The following MALRD1 variants were observed in gnomAD, a reference collection of about 807,000 sequenced individuals.
MALRD1 encodes MAM and LDL-receptor class A domain-containing protein 1.
A neutral mutation model predicts 242.1 loss-of-function variants in MALRD1; 247 were observed. The observed-to-expected ratio is 1.02, with a 90% confidence interval of 0.92 to 1.13. MALRD1 has a LOEUF of 1.13. Ranked by LOEUF, MALRD1 falls within the 50% of genes most tolerant of loss-of-function variation. MALRD1 has a pLI of 0.00. For missense variants in MALRD1, 2,989 were observed against 2,533.1 expected, an observed-to-expected ratio of 1.18 and a Z score of -3.86; for synonymous variants, 995 against 866.6, an observed-to-expected ratio of 1.15 and a Z score of -2.60.
chr10:19,719,231 T>C (rs11011265), intron 38 of MALRD1, among the ~76,000 whole-genome samples: 1,894 of 31,414 alleles, frequency 0.06, 234 homozygotes, highest in African/African-American at 0.23. Context: ...TACATATATA[T>C]ATATATATAT....
intron 31 of MALRD1, among the ~76,000 whole-genome samples, chr10:19,501,647 G>A (rs1837976287): frequency 6.6e-6 from 1 of 152,174 alleles, no homozygotes; most frequent in African/African-American, 2.4e-5. Context: ...TGAGCATGGA[G>A]GATAGGATAA....
chr10:19,492,423 G>A (rs1160219323), intron 30 of MALRD1, among the ~76,000 whole-genome samples: 1 of 152,058 alleles, frequency 6.6e-6, no homozygotes, highest in East Asian at 1.9e-4. Flanking sequence ...ATTCAGGAAG[G>A]GCTCTTCTGG....
chr10:19,083,559 T>C (rs535079500), intron 2 of MALRD1, among the ~76,000 whole-genome samples: 3 of 152,116 alleles, frequency 2.0e-5, no homozygotes, highest in Non-Finnish European at 4.4e-5. Flanking sequence ...AAAAAGCATT[T>C]TATACTGAGC....
chr10:19,153,085 A>T (rs894850264), intron 11 of MALRD1, among the ~76,000 whole-genome samples: 1 of 152,124 alleles, frequency 6.6e-6, no homozygotes, highest in Non-Finnish European at 1.5e-5. Context: ...TTTAGATAGG[A>T]TTCTATGACT....
Position 19,532,752 on chromosome 10 carries a change from T to C in MALRD1, c.5478+1401T>C, listed in dbSNP as rs971951926. 1.8e-4 allele frequency among the ~76,000 whole-genome samples: 19 copies of C among 107,600 alleles called. 1 individual carries two copies. The highest frequency in any genetic ancestry group is 2.7e-4 in the Non-Finnish European group (13 of 48,016). 70.6% of individuals were successfully genotyped at this position (107,600 alleles called of 152,430 possible). ...TGAGAATTTATCCTGACTCTGTGTCTGTTTTTTCAAAGGAAGCCAGTAAAA... is the reference window on the plus strand; with the variant it reads ...TGAGAATTTATCCTGACTCTGTGTCCGTTTTTTCAAAGGAAGCCAGTAAAA... On this transcript the variant is annotated intron_variant, in intron 32 of 39. Transcript: ENST00000454679.
At chr10:19,081,044 C>A (rs548119040) in intron 2 of MALRD1, among the ~76,000 whole-genome samples, 7 of 152,116 alleles carry the variant, frequency 4.6e-5, no homozygotes, top group South Asian at 2.1e-4. Flanking sequence ...TAGAGAAATG[C>A]AAATCAAAAC....
At chr10:19,476,352 C>A (rs972049055) in intron 29 of MALRD1, among the ~76,000 whole-genome samples, 1 of 152,296 alleles carries the variant, frequency 6.6e-6, no homozygotes, top group Non-Finnish European at 1.5e-5. Context: ...ATAATACCAT[C>A]TTGAGACCCA....
At position 19,275,394 on chromosome 10, in the gene MALRD1, T is replaced by C. The variant is rs192881231; in HGVS notation, c.3080-4653T>C. 9.3e-4 allele frequency among the ~76,000 whole-genome samples: 142 copies of C among 152,178 alleles called. 1 individual carries two copies. Among genetic ancestry groups the C allele is most frequent in the South Asian group, 1.7e-3 (8 of 4,822 alleles). ...ATAATAAAATCAGAAATCGGCCGGG[T>C]GCGGTGGCTCACGCCTGTAATCCCA... On this transcript the variant is annotated intron_variant, in intron 19 of 39. Coordinates refer to ENST00000454679, the MANE Select transcript of MALRD1 (RefSeq NM_001142308.3).
At chr10:19,345,988 T>C (rs1844102765) in intron 24 of MALRD1, among the ~76,000 whole-genome samples, 1 of 152,142 alleles carries the variant, frequency 6.6e-6, no homozygotes, top group African/African-American at 2.4e-5. Flanking sequence ...TCTCACTTTG[T>C]TGGCCAGGAT....
chr10:19,544,812 A>C (rs1835139595), intron 32 of MALRD1, among the ~76,000 whole-genome samples: 1 of 152,060 alleles, frequency 6.6e-6, no homozygotes, highest in Non-Finnish European at 1.5e-5. Context: ...TCAGTTTTTC[A>C]ATTCACAGTA....
rs1344428006 is a variant in MALRD1 at position 19,171,426 on chromosome 10, A to T, written c.1831-3782A>T. On this transcript the variant is annotated intron_variant, in intron 13 of 39. Coordinates refer to ENST00000454679, the MANE Select transcript of MALRD1 (RefSeq NM_001142308.3). ...TTGGTCACAACATTTTATATTTTAT[A>T]TACATATATATATATATATATATAT... Among the ~76,000 whole-genome samples, 10 of 12,342 alleles carry T rather than the reference A, an allele frequency of 8.1e-4. No homozygotes were observed. In the East Asian group the frequency reaches 0.029, roughly 36 times the overall value. The allele number at this position is 12,342 out of a possible 152,430, so 8.1% of individuals were successfully genotyped here.
chr10:19,049,762 A>G (rs527449195), intron 1 of MALRD1, among the ~76,000 whole-genome samples: 2 of 152,350 alleles, frequency 1.3e-5, no homozygotes, highest in Non-Finnish European at 1.5e-5. Flanking sequence ...ATGAGATGAG[A>G]TAAAGCAACT....
At chr10:19,227,152 TA>T (rs1837834746) in intron 18 of MALRD1, among the ~76,000 whole-genome samples, 2 of 151,798 alleles carry the variant, frequency 1.3e-5, no homozygotes, top group Non-Finnish European at 2.9e-5. Flanking sequence ...AAGCTGATTC[TA>T]ATTTTTTTTT....
Position 19,638,101 on chromosome 10 carries a change from C to CAAAAAAAA in MALRD1, c.6137+22198_6137+22205dup, listed in dbSNP as rs56865342. On this transcript the variant is annotated intron_variant, in intron 36 of 39. Coordinates refer to ENST00000454679, the MANE Select transcript of MALRD1 (RefSeq NM_001142308.3). ...GGGCAACAAGAGAGAAACTCACTCT[C>CAAAAAAAA]AAAAAAAAAAAAAAAAAAAAAAAAA... Among the ~76,000 whole-genome samples the CAAAAAAAA allele has an allele frequency of 2.9e-4, 12 of 41,918 alleles. 1 individual carries two copies. The highest frequency in any genetic ancestry group is 2.0e-3 in the East Asian group (2 of 1,004). The allele number at this position is 41,918 out of a possible 152,430, so 27.5% of individuals were successfully genotyped here.
chr10:19,686,590 C>T (rs895082296), intron 36 of MALRD1, among the ~76,000 whole-genome samples: 5 of 152,172 alleles, frequency 3.3e-5, no homozygotes, highest in Non-Finnish European at 5.9e-5. Flanking sequence ...TCTCTTGCTC[C>T]GGCTGTGGCC....
At chr10:19,408,153 A>G (rs1161794527) in intron 28 of MALRD1, among the ~76,000 whole-genome samples, 1 of 152,182 alleles carries the variant, frequency 6.6e-6, no homozygotes, top group African/African-American at 2.4e-5. Context: ...AGGGAAAGGA[A>G]GAGAAGTTGG....
At chr10:19,149,384 G>A (rs1833857057) in intron 11 of MALRD1, among the ~76,000 whole-genome samples, 1 of 152,004 alleles carries the variant, frequency 6.6e-6, no homozygotes, top group South Asian at 2.1e-4. Flanking sequence ...GTGTAATTAA[G>A]CCTCGAATTT....
At chr10:19,270,838 A>ACACG (rs1554823254) in intron 19 of MALRD1, among the ~76,000 whole-genome samples, 1 of 151,620 alleles carries the variant, frequency 6.6e-6, no homozygotes, top group South Asian at 2.1e-4. Context: ...ACACACACAC[A>ACACG]CACACGCACA....
At chr10:19,405,964 A>G (rs1847082838) in intron 28 of MALRD1, among the ~76,000 whole-genome samples, 1 of 152,120 alleles carries the variant, frequency 6.6e-6, no homozygotes, top group African/African-American at 2.4e-5. Context: ...GGGCTCCTAG[A>G]TGTGACAAAA....
Sources: allele counts gnomAD v4.1 joint callset (sites outside exome capture counted in the v4.1 genomes callset), GRCh38; gene constraint gnomAD v4.1.1; transcripts MANE v1.5; gene names NCBI Gene and HGNC (gene_info 2026-07-23, HGNC 2026-07-21).